Variants in GALNT18 observed in about 807,000 individuals in gnomAD.
GALNT18 encodes the protein polypeptide N-acetylgalactosaminyltransferase 18, also known as GalNAc-transferase 18.
Under a neutral mutation model 69.5 loss-of-function variants are expected in GALNT18, and 44 were observed. The ratio of observed to expected loss-of-function variants is 0.63; its 90% CI spans 0.50 to 0.81. The LOEUF (loss-of-function observed/expected upper bound fraction) is 0.81. Ranked by LOEUF, GALNT18 falls within the 40% of genes least tolerant of loss-of-function variation. GALNT18 has a pLI of 0.00. For synonymous variants in GALNT18, 364 were observed against 318.2 expected (o/e 1.14, Z -1.53); for missense variants, 715 against 810.0 (o/e 0.88, Z 1.42).
chr11:11,278,141 T>C (rs1848988133), intron 10 of GALNT18, among the ~76,000 whole-genome samples: 1 of 152,208 alleles, frequency 6.6e-6, no homozygotes, highest in African/African-American at 2.4e-5. Context: ...GGTCTAAGTC[T>C]CATTTTAGGT....
chr11:11,277,392 TTC>T (rs778517430), intron 10 of GALNT18, among the ~76,000 whole-genome samples: 2 of 152,178 alleles, frequency 1.3e-5, no homozygotes, highest in African/African-American at 2.4e-5. Context: ...TATTTGATTC[TTC>T]TCTTTTTTTT....
rs984755546 is a variant in GALNT18 at position 11,338,031 on chromosome 11, G to A, written c.1278+2788C>T. Among the ~76,000 whole-genome samples the A allele has an allele frequency of 6.8e-6, 1 of 146,504 alleles. No homozygotes were observed. On this transcript the variant is annotated intron_variant, in intron 7 of 10. Transcript: ENST00000227756. This position sits in a 1 kb window ranked among gnomAD's most constrained non-coding sequence, Gnocchi z 5.3. ...CAGGCTGGAGTGAGTGCAGTGGCACGATCTCAGCTCACTGGGACCTCCGCC... is the reference window on the plus strand; with the variant it reads ...CAGGCTGGAGTGAGTGCAGTGGCACAATCTCAGCTCACTGGGACCTCCGCC...
At chr11:11,313,481 A>G (rs1255154701) in intron 9 of GALNT18, among the ~76,000 whole-genome samples, 2 of 152,214 alleles carry the variant, frequency 1.3e-5, no homozygotes, top group Non-Finnish European at 2.9e-5. Context: ...CAGGAAGTCC[A>G]TCCCATATTC....
intron 2 of GALNT18, among the ~76,000 whole-genome samples, chr11:11,434,718 T>C (rs188782970): frequency 6.6e-6 from 1 of 152,132 alleles, no homozygotes; most frequent in African/African-American, 2.4e-5. Context: ...GATTTAACCA[T>C]GGTGAAAGAA....
intron 10 of GALNT18, among the ~76,000 whole-genome samples, chr11:11,282,071 A>T (rs1276615839): frequency 6.7e-6 from 1 of 150,082 alleles, no homozygotes; most frequent in East Asian, 1.9e-4. Flanking sequence ...ATAAAAGGTT[A>T]AAGTTTAAAA....
chr11:11,546,460 C>A lies in GALNT18; in HGVS notation c.235+74899G>T, dbSNP rs534088844. ...ATCTCTTGCCTGTACTTGAGGACAT[C>A]CCAGCGCTTATCATCTCAGAACCTA... On this transcript the variant is annotated intron_variant, in intron 1 of 10. Coordinates refer to ENST00000227756, the MANE Select transcript of GALNT18 (RefSeq NM_198516.3). This position sits in a 1 kb window ranked among gnomAD's most constrained non-coding sequence, Gnocchi z 5.8. Among the ~76,000 whole-genome samples the A allele has an allele frequency of 6.6e-6, 1 of 152,206 alleles. No homozygotes were observed. Among genetic ancestry groups the A allele is most frequent in the African/African-American group, 2.4e-5 (1 of 41,432 alleles).
In GALNT18 at chr11:11,591,158, C is replaced by T. The variant is rs1013127126; in HGVS notation, c.235+30201G>A. On this transcript the variant is annotated intron_variant, in intron 1 of 10. Transcript: ENST00000227756. This position sits in a 1 kb window ranked among gnomAD's most constrained non-coding sequence, Gnocchi z 4.8. ...ATGCTGACTCTGTAGGCCTAGGCTA[C>T]CGTGTGTGTGTGTGTGTGTGTGTGT... 5.4e-5 allele frequency among the ~76,000 whole-genome samples: 4 copies of T among 74,228 alleles called. No homozygotes were observed. Among genetic ancestry groups the T allele is most frequent in the African/African-American group, 2.6e-4 (4 of 15,156 alleles). 48.7% of individuals were successfully genotyped at this position (74,228 alleles called of 152,430 possible).
intron 1 of GALNT18, among the ~76,000 whole-genome samples, chr11:11,508,457 G>T (rs1295182743): frequency 6.6e-6 from 1 of 152,186 alleles, no homozygotes. Flanking sequence ...TCTAAGTGTG[G>T]TCACTTGATT....
intron 2 of GALNT18, among the ~76,000 whole-genome samples, chr11:11,434,126 C>T (rs1394747516): frequency 6.6e-6 from 1 of 152,092 alleles, no homozygotes; most frequent in Non-Finnish European, 1.5e-5. Flanking sequence ...GGGGCCCCAG[C>T]CTGCTTAAGA....
intron 6 of GALNT18, among the ~76,000 whole-genome samples, chr11:11,353,678 A>C (rs1850467350): frequency 6.6e-6 from 1 of 152,188 alleles, no homozygotes; most frequent in African/African-American, 2.4e-5. Context: ...AGTCAGATTC[A>C]AATTGGCCGT....
chr11:11,518,641 C>T (rs1226626898), intron 1 of GALNT18, among the ~76,000 whole-genome samples: 1 of 152,212 alleles, frequency 6.6e-6, no homozygotes, highest in Non-Finnish European at 1.5e-5. Context: ...CACAAAGATG[C>T]AAATTCTTGA....
At chr11:11,516,624 C>A (rs1302382662) in intron 1 of GALNT18, among the ~76,000 whole-genome samples, 2 of 152,146 alleles carry the variant, frequency 1.3e-5, no homozygotes, top group African/African-American at 2.4e-5. Flanking sequence ...CAGTGAAACT[C>A]CATCTCAAAA....
chr11:11,287,390 G>A (rs1246449459), intron 10 of GALNT18, among the ~76,000 whole-genome samples: 1 of 152,142 alleles, frequency 6.6e-6, no homozygotes, highest in African/African-American at 2.4e-5. Flanking sequence ...AGGAATGATG[G>A]TAGTTGAAGG....
At chr11:11,519,657 G>A (rs1333788689) in intron 1 of GALNT18, among the ~76,000 whole-genome samples, 1 of 152,122 alleles carries the variant, frequency 6.6e-6, no homozygotes, top group East Asian at 1.9e-4. Flanking sequence ...TCTCCCCTCG[G>A]AGAGCTCTCG....
chr11:11,373,012 C>T (rs753036625), intron 5 of GALNT18, among the ~76,000 whole-genome samples: 2 of 152,098 alleles, frequency 1.3e-5, no homozygotes, highest in African/African-American at 4.8e-5. Flanking sequence ...TTACCCTTCC[C>T]CAACTTGGAA....
intron 3 of GALNT18, among the ~76,000 whole-genome samples, chr11:11,380,504 TA>T: frequency 6.6e-6 from 1 of 152,358 alleles, no homozygotes; most frequent in South Asian, 2.1e-4. Flanking sequence ...ATAGAAGAAA[TA>T]AATCACCTCC....
rs1856103361 is a variant in GALNT18, at chr11:11,463,945, G to A, written c.236-15009C>T. Among the ~76,000 whole-genome samples the A allele has an allele frequency of 6.6e-6, 1 of 152,170 alleles. No individual in the cohort carries two copies. The highest frequency in any genetic ancestry group is 1.5e-5 in the Non-Finnish European group (1 of 68,036). ...GGGGAAAAATTAGTCCTTTCCATCT[G>A]GCAAATTCTTAATTTACCAACCCAG... On this transcript the variant is annotated intron_variant, in intron 1 of 10. Transcript: ENST00000227756. The surrounding 1 kb of genome is among the most constrained non-coding windows in gnomAD (Gnocchi z 4.2).
chr11:11,273,599 G>C (rs972039586), intron 10 of GALNT18, among the ~76,000 whole-genome samples: 1 of 152,168 alleles, frequency 6.6e-6, no homozygotes, highest in South Asian at 2.1e-4. Context: ...TGGTGGGAAT[G>C]AAAATTATTA....
chr11:11,475,940 G>C (rs1369526122), intron 1 of GALNT18: 5 of 152,218 alleles, frequency 3.3e-5, no homozygotes, highest in African/African-American at 7.2e-5. Flanking sequence ...TCCAGGAACA[G>C]AGCTGGGGGA....
Sources: gnomAD v4.1 joint callset for allele counts (sites outside exome capture counted in the v4.1 genomes callset) on GRCh38, gnomAD v4.1.1 for gene constraint, Gnocchi (gnomAD v3.1) non-coding constraint, MANE v1.5 for transcripts, NCBI Gene and HGNC (gene_info 2026-07-23, HGNC 2026-07-21) for gene names.